The following OSBPL3 variants were observed in gnomAD, a reference collection of about 807,000 sequenced individuals.
OSBPL3 encodes oxysterol-binding protein-related protein 3.
Under a neutral mutation model 120.1 loss-of-function variants are expected in OSBPL3, and 65 were observed. The observed-to-expected ratio is 0.54, with a 90% CI of 0.44 to 0.67. The LOEUF is 0.67. OSBPL3 is among the 30% of genes least tolerant of loss of function. OSBPL3 has a pLI of 0.00. For synonymous variants in OSBPL3, 416 were observed against 402.6 expected (o/e 1.03, Z -0.40); for missense variants, 1,004 against 1,082.1 (o/e 0.93, Z 1.01).
At position 24,867,777 on chromosome 7, in the gene OSBPL3, A is replaced by G. The variant is rs1801539247; in HGVS notation, c.382-1540T>C. Among the ~76,000 whole-genome samples the G allele has an allele frequency of 6.6e-6, 1 of 152,208 alleles. No individual in the cohort carries two copies. The highest frequency in any genetic ancestry group is 1.5e-5 in the Non-Finnish European group (1 of 68,032). ...TTAATGAATGTGAAAGTTATTTAAA[A>G]AAACATTTCTCCCACTCTCAGAAAT... On this transcript the variant is annotated intron_variant, in intron 5 of 22. Transcript: ENST00000313367. The surrounding 1 kb of genome is among the most constrained non-coding windows in gnomAD (Gnocchi z 4.5).
At chr7:24,868,338 AGTGTGTGTGTGTGTGTGTGT>A (rs55688298) in intron 5 of OSBPL3, among the ~76,000 whole-genome samples, 1 of 137,948 alleles carries the variant, frequency 7.2e-6, no homozygotes, top group African/African-American at 2.7e-5. Flanking sequence ...AAAAAAAAAA[AGTGTGTGTGTGTGTGTGTGT>A]GTGTGTGTGT....
At chr7:24,832,193 CAAGACCCTGTCTCAAAAAAAAAAAAAAAA>C (rs1796450997) in intron 15 of OSBPL3, among the ~76,000 whole-genome samples, 1 of 107,736 alleles carries the variant, frequency 9.3e-6, no homozygotes, top group African/African-American at 4.0e-5. Flanking sequence ...GGTGACAGAG[CAAGACCCTGTCTCAAAAAAAAAAAAAAAA>C]AAAGAAGGGC....
At chr7:24,888,525 A>C (rs879434452) in intron 2 of OSBPL3, among the ~76,000 whole-genome samples, 19 of 152,126 alleles carry the variant, frequency 1.2e-4, no homozygotes, top group Non-Finnish European at 2.4e-4. Context: ...AGTGAGGCTT[A>C]TTGTTTTTAA....
In OSBPL3 at chr7:24,898,227, C is replaced by G. The variant is rs1392956195; in HGVS notation, c.-149-5606G>C. Among the ~76,000 whole-genome samples, 1 of 152,188 alleles carries G rather than the reference C, an allele frequency of 6.6e-6. No individual in the cohort carries two copies. Among genetic ancestry groups the G allele is most frequent in the Non-Finnish European group, 1.5e-5 (1 of 68,034 alleles). On this transcript the variant is annotated intron_variant, in intron 1 of 22. Transcript: ENST00000313367. The surrounding 1 kb of genome is among the most constrained non-coding windows in gnomAD (Gnocchi z 4.3). ...ATTCAGCATCAGAAGTTTCTGGAAGCAGGTTCTAATCACAACTTCAGATAC... is the reference window on the plus strand; with the variant it reads ...ATTCAGCATCAGAAGTTTCTGGAAGGAGGTTCTAATCACAACTTCAGATAC...
chr7:24,869,622 C>T (rs1238594203), intron 5 of OSBPL3, among the ~76,000 whole-genome samples: 1 of 152,148 alleles, frequency 6.6e-6, no homozygotes, highest in Non-Finnish European at 1.5e-5. Flanking sequence ...TCCTGCTGTA[C>T]AAAGTCGGCC....
intron 13 of OSBPL3, among the ~76,000 whole-genome samples, chr7:24,841,694 CAAAAAAAAAAA>C (rs67988881): frequency 8.2e-5 from 1 of 12,138 alleles, no homozygotes; most frequent in Non-Finnish European, 1.9e-4. Flanking sequence ...GACTATGTCT[CAAAAAAAAAAA>C]AAAAAAAAAA....
Position 24,967,649 on chromosome 7 carries a change from T to G in OSBPL3, c.-150+12237A>C, listed in dbSNP as rs1294015863. On this transcript the variant is annotated intron_variant, in intron 1 of 22. Transcript: ENST00000313367. The surrounding 1 kb of genome is among the most constrained non-coding windows in gnomAD (Gnocchi z 5.6). Reference sequence around the variant, plus strand: ...TACCATTATTATTATTTTATGGTCCTCCAATCTTTGTGACTAGTTACCCTT... The same window carrying G: ...TACCATTATTATTATTTTATGGTCCGCCAATCTTTGTGACTAGTTACCCTT... 6.6e-6 allele frequency among the ~76,000 whole-genome samples: 1 copy of G among 152,194 alleles called. No homozygotes were observed. Among genetic ancestry groups the G allele is most frequent in the Admixed American group, 6.5e-5 (1 of 15,278 alleles).
upstream of OSBPL3, among the ~76,000 whole-genome samples, chr7:24,981,809 C>T (rs1328072568): frequency 1.3e-5 from 2 of 152,210 alleles, no homozygotes; most frequent in African/African-American, 4.8e-5. The surrounding 1 kb of genome is among the most constrained non-coding windows in gnomAD (Gnocchi z 7.3). Flanking sequence ...GCCCGACCAG[C>T]GCCAGGTGGC....
At chr7:24,963,816 T>C (rs1816068025) in intron 1 of OSBPL3, among the ~76,000 whole-genome samples, 1 of 152,200 alleles carries the variant, frequency 6.6e-6, no homozygotes, top group Non-Finnish European at 1.5e-5. Context: ...GTAAACCATG[T>C]AGTGGGTGAT....
rs1260784234 is a variant in OSBPL3 at position 24,952,661 on chromosome 7, T to C, written c.-150+27225A>G. The stretch of plus-strand genomic sequence containing the variant: ...TATTCACATGCAAAATCCTGCAACA[T>C]TCTTAACTGTGCATTACATCAACTC... On this transcript the variant is annotated intron_variant, in intron 1 of 22. Transcript: ENST00000313367. The surrounding 1 kb of genome is among the most constrained non-coding windows in gnomAD (Gnocchi z 4.4). Among the ~76,000 whole-genome samples, 3 of 152,208 alleles carry C rather than the reference T, an allele frequency of 2.0e-5. No individual in the cohort carries two copies. Among genetic ancestry groups the C allele is most frequent in the African/African-American group, 7.2e-5 (3 of 41,458 alleles).
At chr7:24,979,754 C>T in intron 1 of OSBPL3, 132 bp downstream of exon 1, 1 of 418,714 alleles carries the variant, frequency 2.4e-6, no homozygotes, top group Non-Finnish European at 3.2e-6. Flanking sequence ...CGGAGCCTCC[C>T]CGGGCGACTC....
Position 24,871,776 on chromosome 7 carries a change from T to C in OSBPL3, c.233A>G (p.Lys78Arg), listed in dbSNP as rs1802150319. The C allele has an allele frequency of 6.2e-7, 1 of 1,613,016 alleles. No homozygotes were observed. Among genetic ancestry groups the C allele is most frequent in the African/African-American group, 1.3e-5 (1 of 74,992 alleles). The change falls in exon 4 of 23, where the codon AAA becomes AGA. Residue 78 changes from lysine (K) to arginine (R), a missense_variant. By Grantham distance (26) the Lys-to-Arg change is conservative. This residue lies in a region of OSBPL3 where 255 missense variants were observed against 248.7 expected (regional missense o/e 1.03). Transcript: ENST00000313367. This position sits in a 1 kb window ranked among gnomAD's most constrained non-coding sequence, Gnocchi z 4.8. ...GWHKRFFYLD[K>R]GILKYAKSQT... ...GCTCTTGGCATATTTCAAGATTCCT[T>C]TGTCCAGATAGAAGAATCTCTGTGG... is the stretch of plus-strand genomic sequence containing the variant.
At chr7:24,951,062 C>A (rs116812127) in intron 1 of OSBPL3, among the ~76,000 whole-genome samples, 1 of 152,110 alleles carries the variant, frequency 6.6e-6, no homozygotes, top group African/African-American at 2.4e-5. Context: ...TTCAAAACAA[C>A]GATCTCCCTC....
intron 19 of OSBPL3, chr7:24,810,302 TCACC>T: frequency 1.7e-5 from 3 of 173,904 alleles, no homozygotes; most frequent in Non-Finnish European, 3.7e-5. Context: ...GGCAGGCAGA[TCACC>T]TAAGGTCGGG....
Position 24,806,208 on chromosome 7 carries a change from C to T in OSBPL3, c.2444+568G>A, listed in dbSNP as rs560073900. 4.6e-5 allele frequency among the ~76,000 whole-genome samples: 7 copies of T among 152,352 alleles called. No homozygotes were observed. The highest frequency in any genetic ancestry group is 1.9e-4 in the East Asian group (1 of 5,192). On this transcript the variant is annotated intron_variant, in intron 21 of 22. Coordinates refer to ENST00000313367, the MANE Select transcript of OSBPL3 (RefSeq NM_015550.4). This position sits in a 1 kb window ranked among gnomAD's most constrained non-coding sequence, Gnocchi z 5.2. ...CTGACTTCAAGTGATCCGCCCGCTT[C>T]GGCCTCCCAAAGTGTTGTTTGTTTT... is the stretch of plus-strand genomic sequence containing the variant.
chr7:24,925,872 T>C (rs1021130124), intron 1 of OSBPL3, among the ~76,000 whole-genome samples: 2 of 152,250 alleles, frequency 1.3e-5, no homozygotes, highest in African/African-American at 4.8e-5. Flanking sequence ...TGGAAAAGGT[T>C]GAACAGAATA....
At position 24,820,041 on chromosome 7, in the gene OSBPL3, C is replaced by T. The variant is rs1584241643; in HGVS notation, c.1948+134G>A. The T allele has an allele frequency of 1.5e-5, 9 of 589,454 alleles. No individual in the cohort carries two copies. Among genetic ancestry groups the T allele is most frequent in the Non-Finnish European group, 2.5e-5 (8 of 321,026 alleles). 36.5% of individuals were successfully genotyped at this position (589,454 alleles called of 1,614,324 possible). A position where few individuals can be genotyped will look rare whatever the true frequency, so the allele number is the denominator to read the frequency against. ...AGAGATGAGAGGCAAGAACAGGTGG[C>T]GCAGATCCTTCCAACCAGGCCCAAA... On this transcript the variant is annotated intron_variant, in intron 17 of 22. Transcript: ENST00000313367. This position sits in a 1 kb window ranked among gnomAD's most constrained non-coding sequence, Gnocchi z 4.6.
chr7:24,939,645 T>C lies in OSBPL3; in HGVS notation c.-150+40241A>G, dbSNP rs2128479910. Reference sequence around the variant, plus strand: ...TCCCTAATTTTAGACTTTTTAAATGTAGTTTCTTCTATTTGGGTTTTCCAT... The same window carrying C: ...TCCCTAATTTTAGACTTTTTAAATGCAGTTTCTTCTATTTGGGTTTTCCAT... On this transcript the variant is annotated intron_variant, in intron 1 of 22. Transcript: ENST00000313367. The surrounding 1 kb of genome is among the most constrained non-coding windows in gnomAD (Gnocchi z 4.2). 1.3e-5 allele frequency among the ~76,000 whole-genome samples: 2 copies of C among 152,344 alleles called. No homozygotes were observed. Among genetic ancestry groups the C allele is most frequent in the South Asian group, 4.1e-4 (2 of 4,828 alleles).
chr7:24,979,555 C>A (rs1259628010), intron 1 of OSBPL3, among the ~76,000 whole-genome samples: 1 of 152,202 alleles, frequency 6.6e-6, no homozygotes, highest in Admixed American at 6.5e-5. Context: ...TCCCCGCTGC[C>A]CAGGACAGCT....
Sources: allele counts gnomAD v4.1 joint callset (sites outside exome capture counted in the v4.1 genomes callset), GRCh38; gene constraint gnomAD v4.1.1; regional missense constraint gnomAD v4.1.1; non-coding constraint Gnocchi (gnomAD v3.1); transcripts MANE v1.5; gene names NCBI Gene and HGNC (gene_info 2026-07-23, HGNC 2026-07-21).